The following STAT4 variants were observed in gnomAD, a reference collection of about 807,000 sequenced individuals.
The protein encoded by STAT4 is signal transducer and activator of transcription 4.
STAT4 carries 42 observed loss-of-function variants against 110.5 expected under a neutral mutation model. The observed-to-expected ratio is 0.38, with a 90% CI of 0.30 to 0.49. STAT4 has a LOEUF of 0.49. STAT4 is among the 20% of genes least tolerant of loss of function. The pLI is 0.95. For synonymous variants in STAT4, 284 were observed against 302.2 expected (o/e 0.94, Z 0.63); for missense variants, 632 against 887.9 (o/e 0.71, Z 3.66).
chr2:191,062,981 TAAC>T lies in STAT4; in HGVS notation c.783-64_783-62del. On this transcript the variant is annotated intron_variant, in intron 8 of 23. Transcript: ENST00000392320. This position sits in a 1 kb window ranked among gnomAD's most constrained non-coding sequence, Gnocchi z 4.9. ...TCCACTTAATAATAAAAAAGCATTG[TAAC>T]AATGGGTCATAGTTAATAAACATTA... 1 of 1,424,432 alleles carries T rather than the reference TAAC, an allele frequency of 7.0e-7. No homozygotes were observed. Among genetic ancestry groups the T allele is most frequent in the Non-Finnish European group, 9.6e-7 (1 of 1,038,410 alleles). 88.2% of individuals were successfully genotyped at this position (1,424,432 alleles called of 1,614,324 possible).
rs550442347 is a variant in STAT4, at chr2:191,061,962, A to T, written c.942-141T>A. On this transcript the variant is annotated intron_variant, in intron 9 of 23. Transcript: ENST00000392320. This position sits in a 1 kb window ranked among gnomAD's most constrained non-coding sequence, Gnocchi z 6.2. ...ATATTCAAACCCCCAATTAAACTCA[A>T]ATCTTTACAATGACTTTTTATAAAT... 1.3e-5 allele frequency: 9 copies of T among 697,400 alleles called. No homozygotes were observed. In the South Asian group the frequency reaches 1.4e-4, roughly 11 times the overall value. The allele number at this position is 697,400 out of a possible 1,614,324, so 43.2% of individuals were successfully genotyped here.
chr2:191,085,764 G>T (rs1176437542), intron 3 of STAT4, among the ~76,000 whole-genome samples: 1 of 152,156 alleles, frequency 6.6e-6, no homozygotes, highest in Non-Finnish European at 1.5e-5. Context: ...GGACTCTCAG[G>T]GAGAGCTGAT....
chr2:191,073,820 T>C (rs1257722586), intron 4 of STAT4, among the ~76,000 whole-genome samples: 5 of 152,230 alleles, frequency 3.3e-5, no homozygotes, highest in Non-Finnish European at 5.9e-5. Context: ...TGTATAGATA[T>C]GTAAACTCAA....
rs6729193 is a variant in STAT4, at chr2:191,134,508, G to T, written c.273+12105C>A. Among the ~76,000 whole-genome samples, 1,217 of 152,232 alleles carry T rather than the reference G, an allele frequency of 8.0e-3. 15 individuals carry two copies. Among genetic ancestry groups the T allele is most frequent in the African/African-American group, 0.028 (1,160 of 41,524 alleles). On this transcript the variant is annotated intron_variant, in intron 3 of 23. Coordinates refer to ENST00000392320, the MANE Select transcript of STAT4 (RefSeq NM_003151.4). ...AAATACTGGCCCACCTGGTGTCCTA[G>T]TCCCCAGAAAAACTTCAACACAGCC...
In STAT4 at chr2:191,146,920, T is replaced by C. The variant is rs1423621432; in HGVS notation, c.129-163A>G. Among the ~76,000 whole-genome samples the C allele has an allele frequency of 6.6e-6, 1 of 152,174 alleles. No homozygotes were observed. The highest frequency in any genetic ancestry group is 1.5e-5 in the Non-Finnish European group (1 of 68,032). On this transcript the variant is annotated intron_variant, in intron 2 of 23. Transcript: ENST00000392320. The surrounding 1 kb of genome is among the most constrained non-coding windows in gnomAD (Gnocchi z 4.5). ...ATGAAGAGATGCTCAACATCACTAATCATTAGGGAATTTCAAGTGAAAATC... is the reference window on the plus strand; with the variant it reads ...ATGAAGAGATGCTCAACATCACTAACCATTAGGGAATTTCAAGTGAAAATC...
rs2125218413 is a variant in STAT4 at position 191,057,611 on chromosome 2, T to C, written c.1206+407A>G. 1.3e-5 allele frequency among the ~76,000 whole-genome samples: 2 copies of C among 149,030 alleles called. 1 individual carries two copies. The highest frequency in any genetic ancestry group is 6.8e-3 in the Middle Eastern group (2 of 292). On this transcript the variant is annotated intron_variant, in intron 13 of 23. Transcript: ENST00000392320. ...TTTTTTTTTTCTTTTTCTTTTTTTTTTTTTTGAGATGCAGTCTCGCATTGT... is the reference window on the plus strand; with the variant it reads ...TTTTTTTTTTCTTTTTCTTTTTTTTCTTTTTGAGATGCAGTCTCGCATTGT...
Position 191,146,491 on chromosome 2 carries a change from T to C in STAT4, c.273+122A>G, listed in dbSNP as rs1490940974. The stretch of plus-strand genomic sequence containing the variant: ...AATTGAGCACAAAATTTGTAAGTGG[T>C]AAGACAACTCAATTTTCCCCTAAAT... On this transcript the variant is annotated intron_variant, in intron 3 of 23. Coordinates refer to ENST00000392320, the MANE Select transcript of STAT4 (RefSeq NM_003151.4). The surrounding 1 kb of genome is among the most constrained non-coding windows in gnomAD (Gnocchi z 4.5). 4.2e-6 allele frequency: 4 copies of C among 957,832 alleles called. No individual in the cohort carries two copies. Among genetic ancestry groups the C allele is most frequent in the Non-Finnish European group, 4.2e-6 (3 of 722,340 alleles). The allele number at this position is 957,832 out of a possible 1,614,324, so 59.3% of individuals were successfully genotyped here. A position where few individuals can be genotyped will look rare whatever the true frequency, so the allele number is the denominator to read the frequency against.
intron 5 of STAT4, 130 bp from the exon 6 acceptor site, chr2:191,069,901 G>A (rs531836195): frequency 9.2e-6 from 6 of 651,510 alleles, no homozygotes; most frequent in East Asian, 2.8e-5. Context: ...CATAATGAAC[G>A]CACGCTTCTA....
chr2:191,092,411 A>G lies in STAT4; in HGVS notation c.274-16086T>C, dbSNP rs551193446. Reference sequence around the variant, plus strand: ...AGAGCAAGACTCTGTCTCAAAAATAATGAAATTTCATTATTCATGTCTCTG... The same window carrying G: ...AGAGCAAGACTCTGTCTCAAAAATAGTGAAATTTCATTATTCATGTCTCTG... On this transcript the variant is annotated intron_variant, in intron 3 of 23. Coordinates refer to ENST00000392320, the MANE Select transcript of STAT4 (RefSeq NM_003151.4). Among the ~76,000 whole-genome samples the G allele has an allele frequency of 2.0e-5, 3 of 152,222 alleles. No homozygotes were observed. In the South Asian group the frequency reaches 6.2e-4, roughly 32 times the overall value.
rs537480539 is a variant in STAT4 at position 191,110,289 on chromosome 2, C to T, written c.274-33964G>A. Among the ~76,000 whole-genome samples, 7 of 152,180 alleles carry T rather than the reference C, an allele frequency of 4.6e-5. No individual in the cohort carries two copies. The highest frequency in any genetic ancestry group is 2.1e-4 in the South Asian group (1 of 4,822). On this transcript the variant is annotated intron_variant, in intron 3 of 23. Coordinates refer to ENST00000392320, the MANE Select transcript of STAT4 (RefSeq NM_003151.4). This position sits in a 1 kb window ranked among gnomAD's most constrained non-coding sequence, Gnocchi z 4.5. ...TCAGCTATGTGTCTGGCTCTGTGAT[C>T]GGTGTTGGGAGGCATATGAAAGTTC...
chr2:191,058,284 T>C lies in STAT4; in HGVS notation c.1095-65A>G. On this transcript the variant is annotated intron_variant, in intron 11 of 23. Transcript: ENST00000392320. This position sits in a 1 kb window ranked among gnomAD's most constrained non-coding sequence, Gnocchi z 4.3. Reference sequence around the variant, plus strand: ...TAGATCTAGGAATAACTTTCTATGATAGTTTATTTTATTTATTTATTTATT... The same window carrying C: ...TAGATCTAGGAATAACTTTCTATGACAGTTTATTTTATTTATTTATTTATT... 4.9e-6 allele frequency: 7 copies of C among 1,415,888 alleles called. No homozygotes were observed. The highest frequency in any genetic ancestry group is 1.5e-5 in the African/African-American group (1 of 67,348). The allele number at this position is 1,415,888 out of a possible 1,614,324, so 87.7% of individuals were successfully genotyped here. A position where few individuals can be genotyped will look rare whatever the true frequency, so the allele number is the denominator to read the frequency against.
Position 191,150,987 on chromosome 2 carries a change from C to A in STAT4, c.-42G>T, listed in dbSNP as rs1283135938. The A allele has an allele frequency of 2.0e-6, 2 of 985,730 alleles. No individual in the cohort carries two copies. The highest frequency in any genetic ancestry group is 2.4e-6 in the Non-Finnish European group (2 of 830,082). 61.1% of individuals were successfully genotyped at this position (985,730 alleles called of 1,614,324 possible). On this transcript the variant is annotated 5_prime_UTR_variant, in exon 1 of 24. Transcript: ENST00000392320. This position sits in a 1 kb window ranked among gnomAD's most constrained non-coding sequence, Gnocchi z 6.4. The stretch of plus-strand genomic sequence containing the variant: ...CACAGGTCCCAGGCAGTGCTCAAGT[C>A]CAAAGTCAGAAGCGCCCCTCACAGT...
At chr2:191,136,424 T>G (rs183057489) in intron 3 of STAT4, among the ~76,000 whole-genome samples, 199 of 152,284 alleles carry the variant, frequency 1.3e-3, no homozygotes, top group Admixed American at 3.0e-3. Context: ...GAGAAGGACA[T>G]AAAAGGCACC....
rs1696763313 is a variant in STAT4, at chr2:191,058,445, G to A, written c.1095-226C>T. On this transcript the variant is annotated intron_variant, in intron 11 of 23. Transcript: ENST00000392320. This position sits in a 1 kb window ranked among gnomAD's most constrained non-coding sequence, Gnocchi z 4.3. ...CCTGAGTAGCTGGGATTACAGGCAT[G>A]AGCCGCCGCACCCGGTCTCTATGAT... is the stretch of plus-strand genomic sequence containing the variant. Among the ~76,000 whole-genome samples, 1 of 152,100 alleles carries A rather than the reference G, an allele frequency of 6.6e-6. No individual in the cohort carries two copies. Among genetic ancestry groups the A allele is most frequent in the Non-Finnish European group, 1.5e-5 (1 of 68,020 alleles).
rs2125308815 is a variant in STAT4, at chr2:191,091,350, A to T, written c.274-15025T>A. On this transcript the variant is annotated intron_variant, in intron 3 of 23. Transcript: ENST00000392320. This position sits in a 1 kb window ranked among gnomAD's most constrained non-coding sequence, Gnocchi z 5.4. The stretch of plus-strand genomic sequence containing the variant: ...CAAAATAAGAAAAATAATTTAAAAA[A>T]CAGGAACGAATTTAACAAAGAAGAT... Among the ~76,000 whole-genome samples, 1 of 152,328 alleles carries T rather than the reference A, an allele frequency of 6.6e-6. No homozygotes were observed. The highest frequency in any genetic ancestry group is 1.5e-5 in the Non-Finnish European group (1 of 68,024).
Position 191,035,165 on chromosome 2 carries a change from A to C in STAT4, c.1571-568T>G, listed in dbSNP as rs1485919694. Among the ~76,000 whole-genome samples, 1 of 152,254 alleles carries C rather than the reference A, an allele frequency of 6.6e-6. No homozygotes were observed. Among genetic ancestry groups the C allele is most frequent in the African/African-American group, 2.4e-5 (1 of 41,470 alleles). On this transcript the variant is annotated intron_variant, in intron 17 of 23. Coordinates refer to ENST00000392320, the MANE Select transcript of STAT4 (RefSeq NM_003151.4). This position sits in a 1 kb window ranked among gnomAD's most constrained non-coding sequence, Gnocchi z 4.7. Reference sequence around the variant, plus strand: ...CTAAATTTTTAAGGACATTATACTCATAAGAATAATTTGATAAAGGTCTGA... The same window carrying C: ...CTAAATTTTTAAGGACATTATACTCCTAAGAATAATTTGATAAAGGTCTGA...
rs1382599018 is a variant in STAT4 at position 191,059,179 on chromosome 2, A to T, written c.1035-410T>A. ...AAAAAGCACTTTGTGAGCTTTAATG[A>T]TAAGTGTTTTATGGTGAACATACTA... is the stretch of plus-strand genomic sequence containing the variant. On this transcript the variant is annotated intron_variant, in intron 10 of 23. Transcript: ENST00000392320. This position sits in a 1 kb window ranked among gnomAD's most constrained non-coding sequence, Gnocchi z 4.7. 6.6e-6 allele frequency among the ~76,000 whole-genome samples: 1 copy of T among 152,224 alleles called. No homozygotes were observed. The highest frequency in any genetic ancestry group is 1.9e-4 in the East Asian group (1 of 5,198).
chr2:191,066,650 A>T lies in STAT4; in HGVS notation c.545-135T>A, dbSNP rs1471955849. The T allele has an allele frequency of 4.5e-6, 3 of 662,138 alleles. No homozygotes were observed. In the Admixed American group the frequency reaches 8.7e-5, roughly 19 times the overall value. 41.0% of individuals were successfully genotyped at this position (662,138 alleles called of 1,614,324 possible). A position where few individuals can be genotyped will look rare whatever the true frequency, so the allele number is the denominator to read the frequency against. On this transcript the variant is annotated intron_variant, in intron 6 of 23. Coordinates refer to ENST00000392320, the MANE Select transcript of STAT4 (RefSeq NM_003151.4). The surrounding 1 kb of genome is among the most constrained non-coding windows in gnomAD (Gnocchi z 4.3). ...AGACTAATTGGGTTCACTAGAGGTG[A>T]GCTTGGAAGTCTGTCTGCTCATTTT...
intron 3 of STAT4, among the ~76,000 whole-genome samples, chr2:191,089,899 G>A (rs2125305242): frequency 6.6e-6 from 1 of 152,278 alleles, no homozygotes; most frequent in Middle Eastern, 3.4e-3. Flanking sequence ...GGAGTTAGAA[G>A]AAAGAGAGGG....
Sources: allele counts gnomAD v4.1 joint callset (sites outside exome capture counted in the v4.1 genomes callset), GRCh38; gene constraint gnomAD v4.1.1; non-coding constraint Gnocchi (gnomAD v3.1); transcripts MANE v1.5; gene names NCBI Gene and HGNC (gene_info 2026-07-23, HGNC 2026-07-21).